The following PEAK1 variants were observed in gnomAD, a reference collection of about 807,000 sequenced individuals.
The protein encoded by PEAK1 is pseudopodium enriched atypical kinase 1, also known as inactive tyrosine-protein kinase PEAK1.
In PEAK1, 54 loss-of-function variants were observed where a neutral mutation model predicts 124.7. The ratio of observed to expected loss-of-function variants is 0.43; its 90% CI spans 0.35 to 0.54. The LOEUF (loss-of-function observed/expected upper bound fraction) is 0.54, where lower values mean the gene tolerates loss of function less well. Among genes scored for constraint, PEAK1 ranks in the 20% least tolerant of loss-of-function variants. The pLI is 0.01. For missense variants in PEAK1, 2,046 were observed against 2,134.5 expected (o/e 0.96, Z 0.82); for synonymous variants, 719 against 760.0 (o/e 0.95, Z 0.89).
chr15:77,102,674 C>T (rs1238136630), exon 7 of PEAK1: 1 of 152,144 alleles, frequency 6.6e-6, no homozygotes, highest in Non-Finnish European at 1.5e-5. Context: ...CTTACTTATC[C>T]TATATTACAT....
intron 9 of PEAK1, among the ~76,000 whole-genome samples, chr15:77,120,663 C>T (rs2051830460): frequency 6.6e-6 from 1 of 152,226 alleles, no homozygotes; most frequent in African/African-American, 2.4e-5. Context: ...GTGATCCCCT[C>T]GAATACATCT....
intron 2 of PEAK1, among the ~76,000 whole-genome samples, chr15:77,290,203 C>G (rs1360991583): frequency 6.6e-6 from 1 of 152,202 alleles, no homozygotes; most frequent in Non-Finnish European, 1.5e-5. Flanking sequence ...TGGCTCACTA[C>G]AGCCTCCATT....
chr15:77,151,534 T>G (rs2152771101), intron 8 of PEAK1, among the ~76,000 whole-genome samples: 1 of 152,332 alleles, frequency 6.6e-6, no homozygotes, highest in Admixed American at 6.5e-5. Flanking sequence ...ATTTGTCAAT[T>G]TTGGCTTTTG....
Position 77,188,438 on chromosome 15 carries a change from A to C in PEAK1, c.-114-6398T>G, listed in dbSNP as rs145809548. On this transcript the variant is annotated intron_variant, in intron 6 of 9. Coordinates refer to ENST00000682557, the MANE Select transcript of PEAK1 (RefSeq NM_001385026.1). The stretch of plus-strand genomic sequence containing the variant: ...TTGACGAATCAGTTAACTACTACTA[A>C]TAATAATTATTATAAACTTGGTAAT... 5.6e-4 allele frequency among the ~76,000 whole-genome samples: 85 copies of C among 152,320 alleles called. 1 individual carries two copies. The East Asian group carries it at 0.012, about 22-fold the overall frequency.
Position 77,114,620 on chromosome 15 carries a change from A to G in PEAK1, c.4777T>C (p.Phe1593Leu). Residue 1593 changes from phenylalanine to leucine, a missense_variant, in exon 10 of 10, where the codon TTC (phenylalanine) becomes CTC (leucine). Phe to Leu is a conservative substitution (Grantham distance 22, BLOSUM62 0). Coordinates refer to ENST00000682557, the MANE Select transcript of PEAK1 (RefSeq NM_001385026.1). The stretch of plus-strand genomic sequence containing the variant: ...TCATAGATGAGGATGCCTGTCTGGA[A>G]CTCATCACACTTTTTATACTGGGTA... Reference protein sequence around the residue: ...TATQYKKCDEFQTGILIYEML... With the variant: ...TATQYKKCDELQTGILIYEML... The G allele has an allele frequency of 6.2e-7, 1 of 1,613,506 alleles. No homozygotes were observed. The highest frequency in any genetic ancestry group is 8.5e-7 in the Non-Finnish European group (1 of 1,179,910).
chr15:77,181,058 T>C lies in PEAK1; in HGVS notation c.869A>G (p.Lys290Arg). ...GTTTCGCAGGGGGATGGTATTCCAT[T>C]TTTTGTCCACAAAGAATCGAACAGG... The part of the protein sequence containing the change: ...LSPVRFFVDK[K>R]WNTIPLRNKS... The change falls in exon 7 of 10, where the codon AAA (lysine) becomes AGA (arginine). Residue 290 changes from lysine to arginine, a missense_variant. By Grantham distance (26) the Lys-to-Arg change is conservative (BLOSUM62 2). Transcript: ENST00000682557. 1.2e-6 allele frequency: 2 copies of C among 1,614,218 alleles called. No individual in the cohort carries two copies. The highest frequency in any genetic ancestry group is 1.7e-6 in the Non-Finnish European group (2 of 1,180,020).
At chr15:77,358,008 A>G (rs999271373) in intron 2 of PEAK1, among the ~76,000 whole-genome samples, 4 of 152,102 alleles carry the variant, frequency 2.6e-5, no homozygotes, top group African/African-American at 4.8e-5. Flanking sequence ...AAAACTCCCT[A>G]TATTTCCTAA....
chr15:77,403,698 A>T, intron 1 of PEAK1: 3 of 916,136 alleles, frequency 3.3e-6, no homozygotes, highest in Non-Finnish European at 2.6e-6. Flanking sequence ...AATCAAAACC[A>T]TATTAAGAAA....
At position 77,299,406 on chromosome 15, in the gene PEAK1, T is replaced by C. The variant is rs868005527; in HGVS notation, c.-602-12902A>G. On this transcript the variant is annotated intron_variant, in intron 2 of 9. Coordinates refer to ENST00000682557, the MANE Select transcript of PEAK1 (RefSeq NM_001385026.1). ...TCCCTAATAACTTGTTTATAATTCC[T>C]CTAAAAATATTCTCCCAAATAACCA... Among the ~76,000 whole-genome samples, 8 of 152,222 alleles carry C rather than the reference T, an allele frequency of 5.3e-5. No homozygotes were observed. The South Asian group carries it at 1.4e-3, about 28-fold the overall frequency.
intron 2 of PEAK1, among the ~76,000 whole-genome samples, chr15:77,362,715 G>C (rs1308627913): frequency 1.3e-5 from 2 of 151,912 alleles, no homozygotes; most frequent in Non-Finnish European, 2.9e-5. Flanking sequence ...ACACAAATAA[G>C]TGTTCACAGC....
At chr15:77,104,276 G>A (rs2050724531), downstream of PEAK1, 1 of 152,648 alleles carries the variant, frequency 6.6e-6, no homozygotes, top group Admixed American at 6.5e-5. Context: ...GCAGCCAGGG[G>A]TGGTTCTCTT....
At position 77,168,237 on chromosome 15, in the gene PEAK1, G is replaced by GCGCACACACA. The variant is rs1555428545; in HGVS notation, c.3138-9542_3138-9541insTGTGTGTGCG. Among the ~76,000 whole-genome samples the GCGCACACACA allele has an allele frequency of 2.3e-3, 346 of 147,278 alleles. 9 individuals are homozygous for GCGCACACACA. In the East Asian group the frequency reaches 0.036, roughly 16 times the overall value. Reference sequence around the variant, plus strand: ...TACATGCACATATGCATGTGCGCGCGCACACACACACACACACACACACAC... The same window carrying GCGCACACACA: ...TACATGCACATATGCATGTGCGCGCGCGCACACACACACACACACACACACACACACACAC... On this transcript the variant is annotated intron_variant, in intron 7 of 9. Coordinates refer to ENST00000682557, the MANE Select transcript of PEAK1 (RefSeq NM_001385026.1).
chr15:77,123,963 A>G (rs1181149288), intron 9 of PEAK1, among the ~76,000 whole-genome samples: 1 of 152,196 alleles, frequency 6.6e-6, no homozygotes, highest in African/African-American at 2.4e-5. Context: ...TTGGAAATCA[A>G]TTTGGCTCTT....
chr15:77,245,950 T>C (rs2060563219), intron 6 of PEAK1, among the ~76,000 whole-genome samples: 1 of 152,160 alleles, frequency 6.6e-6, no homozygotes, highest in Non-Finnish European at 1.5e-5. Flanking sequence ...TTCTAGTTCC[T>C]TTACCTTTCC....
At chr15:77,396,239 C>T (rs1291893879) in intron 1 of PEAK1, among the ~76,000 whole-genome samples, 1 of 151,754 alleles carries the variant, frequency 6.6e-6, no homozygotes, top group Non-Finnish European at 1.5e-5. Flanking sequence ...CTCATAGTAG[C>T]CTCAAACTAG....
At chr15:77,119,032 G>T (rs1313750726) in intron 9 of PEAK1, among the ~76,000 whole-genome samples, 1 of 152,052 alleles carries the variant, frequency 6.6e-6, no homozygotes, top group Admixed American at 6.6e-5. Flanking sequence ...CTGTGCAGCA[G>T]GAGAACAAAA....
chr15:77,263,866 C>T (rs1177522267), intron 5 of PEAK1, among the ~76,000 whole-genome samples: 2 of 152,146 alleles, frequency 1.3e-5, no homozygotes, highest in Non-Finnish European at 2.9e-5. Context: ...CAATAAAATA[C>T]TAGCAAACCG....
intron 2 of PEAK1, among the ~76,000 whole-genome samples, chr15:77,292,998 C>T (rs1041311811): frequency 3.8e-4 from 58 of 152,054 alleles, no homozygotes; most frequent in African/African-American, 1.3e-3. Flanking sequence ...TCATCATATG[C>T]CCTTATTCCA....
At chr15:77,186,947 G>C (rs963856749) in intron 6 of PEAK1, among the ~76,000 whole-genome samples, 1 of 152,138 alleles carries the variant, frequency 6.6e-6, no homozygotes, top group Non-Finnish European at 1.5e-5. Flanking sequence ...CTCCCCAAAT[G>C]GGAAACTCCA....
Sources: allele counts gnomAD v4.1 joint callset (sites outside exome capture counted in the v4.1 genomes callset), GRCh38; gene constraint gnomAD v4.1.1; transcripts MANE v1.5; gene names NCBI Gene and HGNC (gene_info 2026-07-23, HGNC 2026-07-21).